The following PTH2R variants were observed in gnomAD, a reference collection of about 807,000 sequenced individuals.
The protein encoded by PTH2R is parathyroid hormone 2 receptor, also known as PTH2 receptor.
Under a neutral mutation model 60.3 loss-of-function variants are expected in PTH2R, and 59 were observed. The observed-to-expected ratio is 0.98, with a 90% CI of 0.79 to 1.22. The LOEUF (loss-of-function observed/expected upper bound fraction) is 1.22. Among genes scored for constraint, PTH2R ranks in the 50% most tolerant of loss-of-function variants. The pLI, the probability that PTH2R is intolerant of heterozygous loss-of-function variation, is 0.00. For synonymous variants in PTH2R, 256 were observed against 243.8 expected, an observed-to-expected ratio of 1.05 and a Z score of -0.47; for missense variants, 749 against 682.6, an observed-to-expected ratio of 1.10 and a Z score of -1.08.
chr2:208,455,892 C>G (rs1375729391), intron 8 of PTH2R, among the ~76,000 whole-genome samples: 1 of 152,094 alleles, frequency 6.6e-6, no homozygotes, highest in Non-Finnish European at 1.5e-5. Context: ...TAAAAGATAC[C>G]TTAAACTCTA....
intron 2 of PTH2R, among the ~76,000 whole-genome samples, chr2:208,429,183 T>G (rs1441315035): frequency 6.6e-6 from 1 of 152,144 alleles, no homozygotes; most frequent in African/African-American, 2.4e-5. Flanking sequence ...TGCCCTCTAG[T>G]TTCTGAGTAC....
At chr2:208,436,860 G>T (rs1413345105) in intron 2 of PTH2R, among the ~76,000 whole-genome samples, 1 of 152,166 alleles carries the variant, frequency 6.6e-6, no homozygotes, top group East Asian at 1.9e-4. Flanking sequence ...AGAGAATTGG[G>T]TTCATCCAAT....
At chr2:208,439,830 A>G (rs897604343) in intron 4 of PTH2R, among the ~76,000 whole-genome samples, 1 of 152,182 alleles carries the variant, frequency 6.6e-6, no homozygotes, top group African/African-American at 2.4e-5. Flanking sequence ...ATATTTAAAA[A>G]CTTCAAAGGA....
intron 7 of PTH2R, 78 bp downstream of exon 7, chr2:208,444,965 C>T: frequency 7.1e-7 from 1 of 1,408,194 alleles, no homozygotes; most frequent in South Asian, 1.4e-5. Flanking sequence ...TCATTAGCAT[C>T]CCTACAGCCA....
upstream of PTH2R, among the ~76,000 whole-genome samples, chr2:208,403,898 G>A (rs553405623): frequency 3.3e-5 from 5 of 152,160 alleles, no homozygotes; most frequent in Non-Finnish European, 7.4e-5. Context: ...ACAGCATGGT[G>A]GCTAAATTCC....
chr2:208,445,668 G>C (rs1702274687), intron 7 of PTH2R, among the ~76,000 whole-genome samples: 1 of 152,086 alleles, frequency 6.6e-6, no homozygotes, highest in South Asian at 2.1e-4. Context: ...TCACTAAGTA[G>C]CTCACGACTA....
chr2:208,391,770 C>T (rs1423311342), intron 1 of PTH2R, among the ~76,000 whole-genome samples: 1 of 152,124 alleles, frequency 6.6e-6, no homozygotes, highest in Non-Finnish European at 1.5e-5. Flanking sequence ...GCTCTGGTCC[C>T]CTCAGACAAC....
chr2:208,441,975 A>G (rs1218734890), intron 4 of PTH2R, among the ~76,000 whole-genome samples: 1 of 152,230 alleles, frequency 6.6e-6, no homozygotes, highest in Non-Finnish European at 1.5e-5. Flanking sequence ...CTATTTATAC[A>G]TGTAACGATA....
intron 9 of PTH2R, among the ~76,000 whole-genome samples, chr2:208,465,794 G>A (rs1384356491): frequency 6.6e-6 from 1 of 152,116 alleles, no homozygotes; most frequent in Non-Finnish European, 1.5e-5. Flanking sequence ...GTACTTGCAT[G>A]TAGGATTTCT....
intron 1 of PTH2R, among the ~76,000 whole-genome samples, chr2:208,370,258 A>G (rs977089226): frequency 6.6e-6 from 1 of 151,876 alleles, no homozygotes; most frequent in Non-Finnish European, 1.5e-5. Flanking sequence ...CCTAGCTAAC[A>G]TGGTGAAACC....
intron 1 of PTH2R, among the ~76,000 whole-genome samples, chr2:208,371,773 T>C (rs1004562343): frequency 6.6e-6 from 1 of 152,080 alleles, no homozygotes; most frequent in Non-Finnish European, 1.5e-5. Context: ...AAAGTATTAG[T>C]TTTTTGCCAC....
In PTH2R at chr2:208,443,437, T is replaced by C; in HGVS notation, c.599T>C (p.Val200Ala). 9.3e-6 allele frequency: 15 copies of C among 1,613,744 alleles called. No individual in the cohort carries two copies. Among genetic ancestry groups the C allele is most frequent in the Middle Eastern group, 1.6e-4 (1 of 6,062 alleles). Residue 200 changes from valine (V) to alanine (A), a missense_variant, in exon 6 of 13, where the codon GTA becomes GCA. Physicochemically the swap from Val to Ala is moderately conservative, Grantham distance 64. Transcript: ENST00000272847. ...ACAAGCATCTTTGTCAAAGACAGAG[T>C]AGTCCATGCTCACATAGGAGTAAAG... ...RATSIFVKDR[V>A]VHAHIGVKEL...
intron 7 of PTH2R, among the ~76,000 whole-genome samples, chr2:208,449,812 T>A (rs1393788833): frequency 6.6e-6 from 1 of 152,210 alleles, no homozygotes; most frequent in Non-Finnish European, 1.5e-5. Context: ...AATTTAAAGT[T>A]ATGCTTGATA....
At chr2:208,429,228 A>G (rs1052795108) in intron 2 of PTH2R, among the ~76,000 whole-genome samples, 2 of 151,674 alleles carry the variant, frequency 1.3e-5, no homozygotes, top group Non-Finnish European at 2.9e-5. Context: ...TAAGCTTGTT[A>G]GTTGTGTGGT....
intron 1 of PTH2R, among the ~76,000 whole-genome samples, chr2:208,400,424 G>A (rs1208613217): frequency 2.0e-5 from 3 of 152,120 alleles, no homozygotes. Context: ...TATGTCCTTC[G>A]GTGGAGTATT....
chr2:208,377,267 C>G (rs1463794669), intron 1 of PTH2R, among the ~76,000 whole-genome samples: 5 of 152,160 alleles, frequency 3.3e-5, no homozygotes, highest in Non-Finnish European at 7.3e-5. Context: ...CCCATGTCTA[C>G]TTCTTTCTAC....
At chr2:208,374,462 T>C (rs550288483) in intron 1 of PTH2R, among the ~76,000 whole-genome samples, 1 of 152,122 alleles carries the variant, frequency 6.6e-6, no homozygotes, top group Non-Finnish European at 1.5e-5. Context: ...TGAAATCTAA[T>C]AGCCTAAATG....
chr2:208,476,418 A>G (rs1166894411), intron 9 of PTH2R, among the ~76,000 whole-genome samples: 2 of 152,208 alleles, frequency 1.3e-5, no homozygotes, highest in Non-Finnish European at 2.9e-5. Context: ...TTTAAATGAA[A>G]TTAAAGCTCT....
intron 1 of PTH2R, among the ~76,000 whole-genome samples, chr2:208,395,171 C>T (rs918116547): frequency 1.8e-4 from 27 of 152,126 alleles, no homozygotes; most frequent in African/African-American, 5.1e-4. Flanking sequence ...CCTCAGCCTC[C>T]GCAGTAGCTG....
Sources: allele counts gnomAD v4.1 joint callset (sites outside exome capture counted in the v4.1 genomes callset), GRCh38; gene constraint gnomAD v4.1.1; transcripts MANE v1.5; gene names NCBI Gene and HGNC (gene_info 2026-07-23, HGNC 2026-07-21).